The following PARD3B variants were observed in gnomAD, a reference collection of about 807,000 sequenced individuals.
PARD3B encodes partitioning defective 3 homolog B.
A neutral mutation model predicts 130.2 loss-of-function variants in PARD3B; 103 were observed. The ratio of observed to expected loss-of-function variants is 0.79; its 90% CI spans 0.67 to 0.93. The LOEUF (loss-of-function observed/expected upper bound fraction) is 0.93, where lower values mean the gene tolerates loss of function less well. PARD3B is among the 40% of genes least tolerant of loss of function. PARD3B has a pLI of 0.00. For missense variants in PARD3B, 1,609 were observed against 1,499.2 expected, an observed-to-expected ratio of 1.07 and a Z score of -1.21; for synonymous variants, 583 against 553.2, an observed-to-expected ratio of 1.05 and a Z score of -0.76.
intron 22 of PARD3B, among the ~76,000 whole-genome samples, chr2:205,604,495 G>T (rs573650272): frequency 7.2e-5 from 11 of 152,070 alleles, no homozygotes; most frequent in Non-Finnish European, 1.2e-4. Flanking sequence ...TGGGTCCCTC[G>T]CACAACACTT....
At chr2:204,949,834 C>T (rs937872214) in intron 2 of PARD3B, among the ~76,000 whole-genome samples, 9 of 152,038 alleles carry the variant, frequency 5.9e-5, no homozygotes, top group African/African-American at 2.2e-4. Flanking sequence ...TTGGCCTGGG[C>T]TGGGAGTTGC....
chr2:205,449,599 C>T (rs1271835098), intron 20 of PARD3B, among the ~76,000 whole-genome samples: 1 of 152,236 alleles, frequency 6.6e-6, no homozygotes, highest in East Asian at 1.9e-4. Flanking sequence ...TGCAAAATAA[C>T]ACTTTCTGTG....
intron 3 of PARD3B, among the ~76,000 whole-genome samples, chr2:204,998,416 GTATATA>G (rs1476799132): frequency 2.4e-4 from 6 of 25,276 alleles, no homozygotes; most frequent in Non-Finnish European, 3.4e-4. Flanking sequence ...GTATATATAT[GTATATA>G]TGTGTATATA....
chr2:205,417,208 C>T (rs563663306), intron 19 of PARD3B, among the ~76,000 whole-genome samples: 153 of 151,888 alleles, frequency 1.0e-3, no homozygotes, highest in African/African-American at 3.5e-3. Flanking sequence ...TGATAGTTTG[C>T]TCAGAATGAT....
intron 1 of PARD3B, among the ~76,000 whole-genome samples, chr2:204,648,107 T>C (rs894993555): frequency 4.0e-5 from 6 of 151,744 alleles, no homozygotes; most frequent in Non-Finnish European, 8.9e-5. Context: ...TTTGAGGTTA[T>C]GCAAGTATTT....
chr2:204,932,856 C>T (rs1313279957), intron 2 of PARD3B, among the ~76,000 whole-genome samples: 1 of 152,212 alleles, frequency 6.6e-6, no homozygotes, highest in Non-Finnish European at 1.5e-5. Context: ...AGGGCTTACA[C>T]TTGTTTGTCA....
chr2:205,048,572 T>A (rs1026735758), intron 4 of PARD3B: 6 of 152,204 alleles, frequency 3.9e-5, no homozygotes, highest in African/African-American at 1.4e-4. Context: ...TCTTTCTCAC[T>A]TTAAGTCTCA....
intron 22 of PARD3B, among the ~76,000 whole-genome samples, chr2:205,612,782 A>T (rs2055280987): frequency 1.3e-5 from 2 of 152,232 alleles, no homozygotes. Flanking sequence ...GCAAACTCCC[A>T]GACATAAAAC....
intron 10 of PARD3B, among the ~76,000 whole-genome samples, chr2:205,139,373 C>T (rs2032756563): frequency 6.6e-6 from 1 of 151,848 alleles, no homozygotes; most frequent in East Asian, 1.9e-4. Flanking sequence ...GTTTTGGCCA[C>T]CTTTAATAAA....
chr2:204,854,715 G>T (rs1186964691), intron 2 of PARD3B, among the ~76,000 whole-genome samples: 1 of 152,072 alleles, frequency 6.6e-6, no homozygotes, highest in Non-Finnish European at 1.5e-5. Context: ...CATAGTTCTA[G>T]TCAAAAAGAA....
At position 205,447,964 on chromosome 2, in the gene PARD3B, G is replaced by A. The variant is rs76353934; in HGVS notation, c.3044+7292G>A. 8.8e-3 allele frequency among the ~76,000 whole-genome samples: 1,346 copies of A among 152,230 alleles called. 18 individuals carry two copies. Among genetic ancestry groups the A allele is most frequent in the African/African-American group, 0.03 (1,235 of 41,520 alleles). Reference sequence around the variant, plus strand: ...CTAAGCCTCATTAACAGCCTTTTAGGTATTTAAAGTGACTGCTATGACCAC... The same window carrying A: ...CTAAGCCTCATTAACAGCCTTTTAGATATTTAAAGTGACTGCTATGACCAC... On this transcript the variant is annotated intron_variant, in intron 20 of 22. Coordinates refer to ENST00000406610, the MANE Select transcript of PARD3B (RefSeq NM_001302769.2).
chr2:204,920,554 C>A (rs1278943104), intron 2 of PARD3B, among the ~76,000 whole-genome samples: 1 of 152,120 alleles, frequency 6.6e-6, no homozygotes, highest in African/African-American at 2.4e-5. Flanking sequence ...CCTTCAAATA[C>A]CTTTGTGCTC....
Position 205,047,651 on chromosome 2 carries a change from T to G in PARD3B, c.465T>G (p.Ala155=). 6.4e-7 allele frequency: 1 copy of G among 1,551,018 alleles called. No individual in the cohort carries two copies. Among genetic ancestry groups the G allele is most frequent in the Non-Finnish European group, 8.7e-7 (1 of 1,146,808 alleles). Residue 155 remains alanine, a synonymous_variant, in exon 4 of 23, where the codon GCT becomes GCG. Transcript: ENST00000406610. Reference sequence around the variant, plus strand: ...CACCTGCTGATACCCAGCCAAGCGCTTCACACCCTGGTGGCCAGAGTCTGA... The same window carrying G: ...CACCTGCTGATACCCAGCCAAGCGCGTCACACCCTGGTGGCCAGAGTCTGA... ...PGPPADTQPS[A]SHPGGQSLKL...
intron 16 of PARD3B, among the ~76,000 whole-genome samples, chr2:205,284,906 C>A (rs2041331473): frequency 6.6e-6 from 1 of 151,706 alleles, no homozygotes; most frequent in African/African-American, 2.4e-5. Context: ...TCACAAGCTC[C>A]TTCCTAAATT....
intron 18 of PARD3B, among the ~76,000 whole-genome samples, chr2:205,303,258 G>A (rs181674728): frequency 1.3e-5 from 2 of 152,248 alleles, no homozygotes; most frequent in African/African-American, 4.8e-5. Context: ...ACAAAGACAA[G>A]ATTCAATAGG....
intron 2 of PARD3B, among the ~76,000 whole-genome samples, chr2:204,717,966 A>T (rs1380860211): frequency 6.6e-6 from 1 of 152,164 alleles, no homozygotes; most frequent in Non-Finnish European, 1.5e-5. Flanking sequence ...CCAAATTTAC[A>T]TATATTACAT....
At chr2:205,052,553 C>G (rs139869082) in intron 4 of PARD3B, among the ~76,000 whole-genome samples, 2,348 of 149,306 alleles carry the variant, frequency 0.016, 63 homozygotes, top group African/African-American at 0.054. Context: ...TATGCCTTAG[C>G]CAGGGGATGG....
At chr2:205,205,248 T>A (rs2037220994) in intron 15 of PARD3B, among the ~76,000 whole-genome samples, 1 of 152,190 alleles carries the variant, frequency 6.6e-6, no homozygotes, top group Admixed American at 6.5e-5. Context: ...TGGCTCTCTG[T>A]CTGTTACTGG....
intron 19 of PARD3B, among the ~76,000 whole-genome samples, chr2:205,425,325 G>A (rs1256210441): frequency 1.3e-5 from 2 of 152,148 alleles, no homozygotes; most frequent in African/African-American, 4.8e-5. Context: ...GGAACTCAGT[G>A]CATTAGCAAT....
Sources: gnomAD v4.1 joint callset for allele counts (sites outside exome capture counted in the v4.1 genomes callset) on GRCh38, gnomAD v4.1.1 for gene constraint, MANE v1.5 for transcripts, NCBI Gene and HGNC (gene_info 2026-07-23, HGNC 2026-07-21) for gene names.